Variants in GFPT1 observed in about 807,000 individuals in gnomAD.
GFPT1 encodes the protein glutamine--fructose-6-phosphate transaminase 1, also known as glutamine--fructose-6-phosphate aminotransferase [isomerizing] 1.
A neutral mutation model predicts 92.0 loss-of-function variants in GFPT1; 40 were observed. That is an observed-to-expected ratio of 0.43 (90% CI 0.34 to 0.57). The LOEUF (loss-of-function observed/expected upper bound fraction) is 0.57. GFPT1 is among the 20% of genes least tolerant of loss of function. The pLI, the probability that GFPT1 is intolerant of heterozygous loss-of-function variation, is 0.02. For synonymous variants in GFPT1, 269 were observed against 280.6 expected (o/e 0.96, Z 0.41); for missense variants, 448 against 869.1 (o/e 0.52, Z 6.09).
chr2:69,377,405 C>T (rs1448059637), intron 1 of GFPT1, among the ~76,000 whole-genome samples: 17 of 150,904 alleles, frequency 1.1e-4, no homozygotes, highest in African/African-American at 4.2e-4. Flanking sequence ...AATCCCGACA[C>T]TTTGGGAGGC....
intron 7 of GFPT1, among the ~76,000 whole-genome samples, chr2:69,354,960 C>T (rs1558757112): frequency 2.6e-5 from 4 of 152,130 alleles, no homozygotes; most frequent in Admixed American, 6.5e-5. Context: ...GCCAAGATCG[C>T]GCCACTGCAC....
chr2:69,381,981 A>T (rs1236281961), intron 1 of GFPT1, among the ~76,000 whole-genome samples: 6 of 151,216 alleles, frequency 4.0e-5, no homozygotes, highest in Admixed American at 3.3e-4. Flanking sequence ...CTCCTCCCTT[A>T]GCCTCCCAAG....
At chr2:69,375,105 A>G (rs138814572) in intron 1 of GFPT1, among the ~76,000 whole-genome samples, 143 of 152,328 alleles carry the variant, frequency 9.4e-4, no homozygotes, top group African/African-American at 3.4e-3. Flanking sequence ...GGTAAAGGAA[A>G]TCCACACTTT....
intron 7 of GFPT1, 103 bp from the exon 8 acceptor site, chr2:69,354,671 T>C (rs1413908313): frequency 1.3e-6 from 1 of 753,966 alleles, no homozygotes; most frequent in Admixed American, 1.9e-5. Flanking sequence ...TAAATCATCC[T>C]CCCCAAGCTC....
rs1474285710 is a variant in GFPT1 at position 69,321,332 on chromosome 2, TG to T, written c.*4856del. On this transcript the variant is annotated 3_prime_UTR_variant, in exon 20 of 20. Transcript: ENST00000357308. ...AACTGGGAAGTTCGGGTAGAGACAG[TG>T]GCTTTTGGTAATATTTAGGCAGTGA... 6.6e-6 allele frequency: 1 copy of T among 152,230 alleles called. No homozygotes were observed. Among genetic ancestry groups the T allele is most frequent in the African/African-American group, 2.4e-5 (1 of 41,458 alleles). The allele number at this position is 152,230 out of a possible 1,614,324, so 9.4% of individuals were successfully genotyped here.
chr2:69,365,860 G>GT (rs1401707252), intron 3 of GFPT1, among the ~76,000 whole-genome samples: 1 of 151,858 alleles, frequency 6.6e-6, no homozygotes, highest in African/African-American at 2.4e-5. Flanking sequence ...CCAAGCTGGA[G>GT]TAAGTACAAT....
At chr2:69,364,601 G>A (rs1443327145) in intron 3 of GFPT1, among the ~76,000 whole-genome samples, 1 of 152,226 alleles carries the variant, frequency 6.6e-6, no homozygotes, top group East Asian at 1.9e-4. Context: ...TGCAACTATG[G>A]AGTGCCTCCA....
chr2:69,375,204 A>G (rs1289150147), intron 1 of GFPT1, among the ~76,000 whole-genome samples: 1 of 152,150 alleles, frequency 6.6e-6, no homozygotes. Context: ...AAAACTGAAG[A>G]CTAAATTATA....
intron 9 of GFPT1, among the ~76,000 whole-genome samples, chr2:69,351,122 C>A (rs1027478872): frequency 6.6e-6 from 1 of 152,146 alleles, no homozygotes; most frequent in South Asian, 2.1e-4. Flanking sequence ...AATTTATAAA[C>A]CAAGAAACTC....
At chr2:69,356,290 G>C (rs7579871) in intron 7 of GFPT1, among the ~76,000 whole-genome samples, 2 of 151,956 alleles carry the variant, frequency 1.3e-5, no homozygotes, top group African/African-American at 4.8e-5. Flanking sequence ...CACAGCGCCC[G>C]GCCTGTATTT....
rs1263531096 is a variant in GFPT1 at position 69,354,269 on chromosome 2, C to G, written c.729G>C (p.Gln243His). 6.3e-7 allele frequency: 1 copy of G among 1,589,902 alleles called. No individual in the cohort carries two copies. The highest frequency in any genetic ancestry group is 8.5e-7 in the Non-Finnish European group (1 of 1,174,598). The change falls in exon 9 of 20, where the codon CAG becomes CAC. Residue 243 changes from glutamine (Q) to histidine (H), a missense_variant. Gln to His is a conservative substitution (Grantham distance 24). Coordinates refer to ENST00000357308, the MANE Select transcript of GFPT1 (RefSeq NM_001244710.2). ...IGSKFTRWGS[Q>H]GERGKDKKGS... ...GAGTGCATTTCCCACCTCTTTCTCC[C>G]TGTGATCCCCACCGTGTGAATTTTG...
chr2:69,372,973 C>T (rs966164483), intron 2 of GFPT1, among the ~76,000 whole-genome samples: 1 of 152,180 alleles, frequency 6.6e-6, no homozygotes, highest in African/African-American at 2.4e-5. Flanking sequence ...GTGGTTTATG[C>T]TGAACATCTG....
chr2:69,347,451 C>T (rs975244501), intron 11 of GFPT1, among the ~76,000 whole-genome samples: 5 of 150,948 alleles, frequency 3.3e-5, no homozygotes, highest in African/African-American at 9.8e-5. Flanking sequence ...TTACATACGA[C>T]TAAGTGTGTC....
rs947495376 is a variant in GFPT1, at chr2:69,323,911, T to A, written c.*2278A>T. The A allele has an allele frequency of 6.6e-6, 1 of 152,426 alleles. No homozygotes were observed. The highest frequency in any genetic ancestry group is 2.1e-4 in the South Asian group (1 of 4,824). The allele number at this position is 152,426 out of a possible 1,614,324, so 9.4% of individuals were successfully genotyped here. A position where few individuals can be genotyped will look rare whatever the true frequency, so the allele number is the denominator to read the frequency against. ...GGATGGTCTCGATCTCTTGACCTCA[T>A]GATCAACCTGCCTCGGCCTCCCAAA... On this transcript the variant is annotated 3_prime_UTR_variant, in exon 20 of 20. Coordinates refer to ENST00000357308, the MANE Select transcript of GFPT1 (RefSeq NM_001244710.2).
Position 69,355,979 on chromosome 2 carries a change from C to T in GFPT1, c.605+517G>A, listed in dbSNP as rs1043014422. Among the ~76,000 whole-genome samples the T allele has an allele frequency of 2.7e-4, 33 of 123,434 alleles. 1 individual carries two copies. The South Asian group carries it at 7.2e-3, about 27-fold the overall frequency. 81.0% of individuals were successfully genotyped at this position (123,434 alleles called of 152,430 possible). A position where few individuals can be genotyped will look rare whatever the true frequency, so the allele number is the denominator to read the frequency against. ...CCAATTAAATGCCAAAATATATTTG[C>T]TTTCTTTTTTTTTTTTTTTTTTTTT... On this transcript the variant is annotated intron_variant, in intron 7 of 19. Transcript: ENST00000357308.
In GFPT1 at chr2:69,335,804, T is replaced by C. The variant is rs1198902680; in HGVS notation, c.1482+2094A>G. Among the ~76,000 whole-genome samples the C allele has an allele frequency of 2.0e-5, 3 of 152,100 alleles. No individual in the cohort carries two copies. In the East Asian group the frequency reaches 5.8e-4, roughly 29 times the overall value. ...GGGAGGCCAAAGCAGGCAGATCGTT[T>C]GAGCCCAAGAGTTCGAGACTGGCCT... On this transcript the variant is annotated intron_variant, in intron 15 of 19. Transcript: ENST00000357308.
chr2:69,345,853 C>T, intron 12 of GFPT1, 51 bp downstream of exon 12: 1 of 1,013,454 alleles, frequency 9.9e-7, no homozygotes, highest in Non-Finnish European at 1.6e-6. Context: ...GTTAATGGCA[C>T]CTCCTACTGT....
chr2:69,360,357 C>T (rs1205218111), intron 4 of GFPT1, among the ~76,000 whole-genome samples: 2 of 150,020 alleles, frequency 1.3e-5, no homozygotes, highest in Admixed American at 1.3e-4. Context: ...AAAAATCCTA[C>T]CAATCCTGGA....
intron 4 of GFPT1, 92 bp from the exon 5 acceptor site, chr2:69,359,418 A>T: frequency 1.4e-6 from 1 of 734,792 alleles, no homozygotes; most frequent in East Asian, 2.7e-5. Flanking sequence ...CTCAAGTCAA[A>T]AATTTTTAAC....
Sources: allele counts gnomAD v4.1 joint callset (sites outside exome capture counted in the v4.1 genomes callset), GRCh38; gene constraint gnomAD v4.1.1; transcripts MANE v1.5; gene names NCBI Gene and HGNC (gene_info 2026-07-23, HGNC 2026-07-21).